Variants in SNRPN observed in about 807,000 individuals in gnomAD.
SNRPN encodes the protein small nuclear ribonucleoprotein polypeptide N.
In SNRPN, 7 loss-of-function variants were observed where a neutral mutation model predicts 25.2. That is an observed-to-expected ratio of 0.28 (90% CI 0.16 to 0.52). SNRPN has a LOEUF of 0.52. SNRPN is among the 20% of genes least tolerant of loss of function. SNRPN has a pLI of 0.96. For missense variants in SNRPN, 196 were observed against 322.5 expected (o/e 0.61, Z 3.00); for synonymous variants, 124 against 110.6 (o/e 1.12, Z -0.76).
intron 2 of SNRPN, among the ~76,000 whole-genome samples, chr15:24,887,164 T>C (rs1183081792): frequency 1.3e-5 from 2 of 150,978 alleles, no homozygotes; most frequent in African/African-American, 4.9e-5. Context: ...TTTTTTTTTT[T>C]TGAGACGGAG....
upstream of SNRPN, among the ~76,000 whole-genome samples, chr15:24,853,156 A>C (rs1484411762): frequency 6.6e-6 from 1 of 152,126 alleles, no homozygotes; most frequent in East Asian, 1.9e-4. Context: ...AAATCTTAAC[A>C]TTAGTGTGTT....
At position 24,975,743 on chromosome 15, in the gene SNRPN, A is replaced by G. The variant is rs148103733; in HGVS notation, c.155+234A>G. Among the ~76,000 whole-genome samples, 149 of 152,338 alleles carry G rather than the reference A, an allele frequency of 9.8e-4. 1 individual carries two copies. In the East Asian group the frequency reaches 0.028, roughly 28 times the overall value. On this transcript the variant is annotated intron_variant, in intron 5 of 9. Coordinates refer to ENST00000390687, the MANE Select transcript of SNRPN (RefSeq NM_003097.6). ...ATTACTGGGAGTAAAAGTATATGCT[A>G]TGGTCAGAATACTCGTATTTATTTT...
At chr15:24,922,082 G>A (rs1034726616) in intron 3 of SNRPN, among the ~76,000 whole-genome samples, 5 of 151,780 alleles carry the variant, frequency 3.3e-5, no homozygotes, top group Middle Eastern at 3.2e-3. Context: ...GCACCGTGGC[G>A]GGCTCCTGTA....
chr15:24,977,925 T>G lies in SNRPN; in HGVS notation c.559+9T>G, dbSNP rs554563821. 8 of 1,552,350 alleles carry G rather than the reference T, an allele frequency of 5.2e-6. No individual in the cohort carries two copies. In the South Asian group the frequency reaches 8.5e-5, roughly 17 times the overall value. On this transcript the variant is annotated intron_variant, in intron 8 of 9. Transcript: ENST00000390687. ...AGCAACCCCACCTCCAGGTAAGGGA[T>G]TGGTGAACACGAAGACGAACTTGAA... is the stretch of plus-strand genomic sequence containing the variant.
chr15:24,940,694 TG>T (rs1194115063), intron 3 of SNRPN, among the ~76,000 whole-genome samples: 4 of 152,174 alleles, frequency 2.6e-5, no homozygotes, highest in South Asian at 2.1e-4. Flanking sequence ...CTGACAACTT[TG>T]GTGCTGTAGG....
intron 3 of SNRPN, among the ~76,000 whole-genome samples, chr15:24,924,782 C>G (rs1434858761): frequency 6.6e-6 from 1 of 152,032 alleles, no homozygotes; most frequent in Non-Finnish European, 1.5e-5. Flanking sequence ...AGTTACCATG[C>G]CCAGGCTAGG....
chr15:24,963,847 C>T (rs2075227552), intron 2 of SNRPN, among the ~76,000 whole-genome samples: 1 of 151,850 alleles, frequency 6.6e-6, no homozygotes, highest in East Asian at 1.9e-4. Context: ...CCAGCCTGGG[C>T]AACATAGAGA....
At chr15:24,896,104 A>C (rs1251046472) in intron 2 of SNRPN, among the ~76,000 whole-genome samples, 1 of 152,256 alleles carries the variant, frequency 6.6e-6, no homozygotes, top group African/African-American at 2.4e-5. Flanking sequence ...GTATATCCTT[A>C]GCAGAGCAAA....
intron 1 of SNRPN, among the ~76,000 whole-genome samples, chr15:24,824,886 C>T (rs990771975): frequency 2.0e-5 from 3 of 152,018 alleles, no homozygotes; most frequent in Non-Finnish European, 4.4e-5. Flanking sequence ...TTCTGCAATA[C>T]GAATTGTGCA....
rs1158599085 is a variant in SNRPN at position 24,974,300 on chromosome 15, T to TTC, written c.-143-10_-143-9dup. On this transcript the variant is annotated splice_polypyrimidine_tract_variant and intron_variant, in intron 3 of 9. Transcript: ENST00000390687. ...GATTGCAGTGCAGCTTTAACATGCT[T>TTC]TCCTCTGCAGGCTCCATCTACTCTT... is the stretch of plus-strand genomic sequence containing the variant. The TTC allele has an allele frequency of 5.7e-6, 4 of 697,540 alleles. No homozygotes were observed. Among genetic ancestry groups the TTC allele is most frequent in the Non-Finnish European group, 1.0e-5 (4 of 386,030 alleles). 43.2% of individuals were successfully genotyped at this position (697,540 alleles called of 1,614,324 possible).
At chr15:24,969,885 T>C (rs993725835) in intron 3 of SNRPN, among the ~76,000 whole-genome samples, 1 of 152,240 alleles carries the variant, frequency 6.6e-6, no homozygotes, top group African/African-American at 2.4e-5. Flanking sequence ...TATGTTATCT[T>C]TGGCCACATT....
intron 3 of SNRPN, among the ~76,000 whole-genome samples, chr15:24,931,867 A>G (rs1208872480): frequency 7.6e-6 from 1 of 131,188 alleles, no homozygotes; most frequent in Non-Finnish European, 1.7e-5. Flanking sequence ...AAAAAAAAAA[A>G]AGACTTTGCT....
intron 1 of SNRPN, among the ~76,000 whole-genome samples, chr15:24,958,498 T>G (rs1170454088): frequency 6.0e-5 from 8 of 132,424 alleles, no homozygotes; most frequent in Admixed American, 2.3e-4. Flanking sequence ...TTTTTTTTTT[T>G]TTTTTTTTTT....
chr15:24,885,795 C>T, intron 1 of SNRPN, among the ~76,000 whole-genome samples: 1 of 151,334 alleles, frequency 6.6e-6, no homozygotes. Flanking sequence ...GCCTGTAGCC[C>T]ACGTGTTGCA....
chr15:24,919,165 C>A (rs897632620), intron 2 of SNRPN, among the ~76,000 whole-genome samples: 1 of 151,454 alleles, frequency 6.6e-6, no homozygotes, highest in Non-Finnish European at 1.5e-5. Flanking sequence ...CGTGGTGGCT[C>A]ACGCCTGTAA....
At chr15:24,840,288 G>T (rs889158172) in intron 2 of SNRPN, among the ~76,000 whole-genome samples, 1 of 152,142 alleles carries the variant, frequency 6.6e-6, no homozygotes, top group African/African-American at 2.4e-5. Flanking sequence ...AACCCGGGAG[G>T]CAGAGGTTTC....
At chr15:24,866,154 C>T (rs1288671301) in intron 1 of SNRPN, among the ~76,000 whole-genome samples, 1 of 152,036 alleles carries the variant, frequency 6.6e-6, no homozygotes, top group East Asian at 1.9e-4. Context: ...TCAGCTTTTT[C>T]TGAAATTAAT....
intron 8 of SNRPN, 100 bp downstream of exon 8, chr15:24,978,016 G>T: frequency 7.9e-7 from 1 of 1,273,836 alleles, no homozygotes; most frequent in Non-Finnish European, 1.1e-6. Flanking sequence ...TGGGGAATAT[G>T]CTTCCTTCTT....
intron 2 of SNRPN, among the ~76,000 whole-genome samples, chr15:24,916,884 A>T (rs745796394): frequency 4.6e-5 from 7 of 152,176 alleles, no homozygotes; most frequent in Non-Finnish European, 1.0e-4. Flanking sequence ...CCGCAGCAAG[A>T]TTTATTGTGA....
Sources: allele counts gnomAD v4.1 joint callset (sites outside exome capture counted in the v4.1 genomes callset), GRCh38; gene constraint gnomAD v4.1.1; transcripts MANE v1.5; gene names NCBI Gene and HGNC (gene_info 2026-07-23, HGNC 2026-07-21).